Variants in RHBDF1 observed in about 807,000 individuals in gnomAD.
The protein encoded by RHBDF1 is inactive rhomboid protein 1.
Under a neutral mutation model 98.6 loss-of-function variants are expected in RHBDF1, and 80 were observed. The ratio of observed to expected loss-of-function variants is 0.81; its 90% CI spans 0.68 to 0.98. The LOEUF (loss-of-function observed/expected upper bound fraction) is 0.98, where lower values mean the gene tolerates loss of function less well. Ranked by LOEUF, RHBDF1 falls within the 50% of genes least tolerant of loss-of-function variation. The pLI is 0.00. For missense variants in RHBDF1, 1,116 were observed against 1,198.3 expected, an observed-to-expected ratio of 0.93 and a Z score of 1.01; for synonymous variants, 512 against 486.8, an observed-to-expected ratio of 1.05 and a Z score of -0.68.
At chr16:58,927 G>A in intron 17 of RHBDF1, 47 bp downstream of exon 17, 1 of 1,604,062 alleles carries the variant, frequency 6.2e-7, no homozygotes, top group Non-Finnish European at 8.5e-7. Flanking sequence ...TTCACAGCAG[G>A]CTGCAGGTGC....
chr16:63,574 C>A lies in RHBDF1; in HGVS notation c.462+13G>T, dbSNP rs748903678. Reference sequence around the variant, plus strand: ...AGGAGGGGCCTGCAGGAGGCAGCAACAGGCAGGCATACCTTCTGCATGCCC... The same window carrying A: ...AGGAGGGGCCTGCAGGAGGCAGCAAAAGGCAGGCATACCTTCTGCATGCCC... On this transcript the variant is annotated intron_variant, in intron 4 of 17. Transcript: ENST00000262316. The A allele has an allele frequency of 5.9e-6, 9 of 1,530,754 alleles. No homozygotes were observed. Among genetic ancestry groups the A allele is most frequent in the Admixed American group, 2.0e-5 (1 of 49,388 alleles). The allele number at this position is 1,530,754 out of a possible 1,614,324, so 94.8% of individuals were successfully genotyped here.
At chr16:73,456 T>A (rs1898029382), upstream of RHBDF1, among the ~76,000 whole-genome samples, 1 of 152,146 alleles carries the variant, frequency 6.6e-6, no homozygotes. Flanking sequence ...CGGGGTGGGC[T>A]CATATCCCTG....
At chr16:75,704 G>C (rs1230769536), upstream of RHBDF1, among the ~76,000 whole-genome samples, 2 of 152,190 alleles carry the variant, frequency 1.3e-5, no homozygotes, top group African/African-American at 4.8e-5. Context: ...CTGCCCAGTG[G>C]CTGCCTTCTC....
chr16:61,151 C>T lies in RHBDF1; in HGVS notation c.1526G>A (p.Gly509Asp). Residue 509 changes from glycine (G) to aspartate (D), a missense_variant, in exon 11 of 18, where the codon GGC (glycine) becomes GAC (aspartate). Gly to Asp is a moderately conservative substitution (Grantham distance 94). Transcript: ENST00000262316. ...CTCCTCCTCCGAGGTCTGCACGCAG[C>T]CCGACCTGTCGTTGCGCACGCAGCA... is the stretch of plus-strand genomic sequence containing the variant. ...SACCVRNDRS[G>D]CVQTSEEECS... 1 of 1,537,814 alleles carries T rather than the reference C, an allele frequency of 6.5e-7. No homozygotes were observed.
upstream of RHBDF1, among the ~76,000 whole-genome samples, chr16:72,983 G>A (rs1898018600): frequency 6.6e-6 from 1 of 152,098 alleles, no homozygotes; most frequent in African/African-American, 2.4e-5. Context: ...GGATGGGTGT[G>A]TATCCCTGGC....
chr16:61,660 C>G lies in RHBDF1; in HGVS notation c.1245G>C (p.Ser415=), dbSNP rs768010709. 4.7e-5 allele frequency: 76 copies of G among 1,613,440 alleles called. No homozygotes were observed. Among genetic ancestry groups the G allele is most frequent in the Non-Finnish European group, 6.3e-5 (74 of 1,179,902 alleles). Residue 415 remains serine (S), a synonymous_variant, in exon 9 of 18, where the codon TCG becomes TCC. Transcript: ENST00000262316. The part of the protein sequence containing the change: ...FFTYWLTFVH[S]LVTILAVCIY... ...TGCACACGGCTAGGATGGTGACGAGCGAGTGCACGAAGGTAAGCCAGTAGG... is the reference window on the plus strand; with the variant it reads ...TGCACACGGCTAGGATGGTGACGAGGGAGTGCACGAAGGTAAGCCAGTAGG...
chr16:71,073 G>A (rs1298709609), intron 1 of RHBDF1, among the ~76,000 whole-genome samples: 2 of 152,184 alleles, frequency 1.3e-5, no homozygotes, highest in South Asian at 2.1e-4. Flanking sequence ...AAGATCCTAG[G>A]GGAGGGCCTG....
At chr16:68,538 C>T (rs572456220) in intron 1 of RHBDF1, among the ~76,000 whole-genome samples, 6 of 152,348 alleles carry the variant, frequency 3.9e-5, no homozygotes, top group East Asian at 1.9e-4. Flanking sequence ...CCGTGGCCCA[C>T]GGAAGGCCTC....
At chr16:71,459 G>A (rs995629745) in intron 1 of RHBDF1, among the ~76,000 whole-genome samples, 5 of 152,190 alleles carry the variant, frequency 3.3e-5, no homozygotes, top group African/African-American at 1.2e-4. Context: ...CTAGGAGGTT[G>A]GGGTTAGCTC....
In RHBDF1 at chr16:61,301, GCGGCCGCA is replaced by G; in HGVS notation, c.1396-28_1396-21del. The G allele has an allele frequency of 6.5e-7, 1 of 1,541,998 alleles. No individual in the cohort carries two copies. Among genetic ancestry groups the G allele is most frequent in the Non-Finnish European group, 8.7e-7 (1 of 1,143,342 alleles). On this transcript the variant is annotated intron_variant, in intron 10 of 17. Transcript: ENST00000262316. ...GGCCTCCTGCGGGCGAGGGAGACGA[GCGGCCGCA>G]GTCCGGGGCCTCCTGCCCCCGCCGG...
upstream of RHBDF1, chr16:72,669 CCGGAGCGGGG>C: frequency 1.0e-6 from 1 of 980,814 alleles, no homozygotes; most frequent in African/African-American, 1.7e-5. Flanking sequence ...GCGGGCCCGG[CCGGAGCGGGG>C]CGGTCGCGCT....
chr16:64,340 G>A, intron 3 of RHBDF1: 1 of 1,358,504 alleles, frequency 7.4e-7, no homozygotes, highest in South Asian at 1.2e-5. Flanking sequence ...TACCTGAGCA[G>A]GGACCAAGAG....
upstream of RHBDF1, among the ~76,000 whole-genome samples, chr16:73,308 C>G (rs1898025347): frequency 6.6e-6 from 1 of 152,072 alleles, no homozygotes; most frequent in South Asian, 2.1e-4. Context: ...TGTGCCCCTA[C>G]CCCCAGAAGC....
intron 1 of RHBDF1, among the ~76,000 whole-genome samples, chr16:69,604 T>C (rs929567524): frequency 2.6e-5 from 4 of 152,064 alleles, no homozygotes; most frequent in Admixed American, 6.5e-5. Flanking sequence ...GGTCACCAGC[T>C]GTCTGGCAGC....
At chr16:61,773 C>T (rs376370477) in intron 8 of RHBDF1, 25 bp downstream of exon 8, 2 of 1,611,520 alleles carry the variant, frequency 1.2e-6, no homozygotes, top group East Asian at 2.2e-5. Flanking sequence ...TCCATCCCAA[C>T]CCAGGCCTTG....
intron 1 of RHBDF1, 148 bp from the exon 2 acceptor site, chr16:65,187 C>T (rs1366553): frequency 0.025 from 21,161 of 834,516 alleles, 1,104 homozygotes; most frequent in South Asian, 0.14. Flanking sequence ...GTGCTCAGCA[C>T]CGACTTTCTC....
At chr16:74,912 T>C (rs1898056090), upstream of RHBDF1, 1 of 149,518 alleles carries the variant, frequency 6.7e-6, no homozygotes, top group Non-Finnish European at 1.5e-5. Context: ...CCACCCCATC[T>C]CCCTTCCCTG....
rs756640874 is a variant in RHBDF1 at position 58,751 on chromosome 16, A to G, written c.2157T>C (p.Pro719=). 1.9e-6 allele frequency: 3 copies of G among 1,612,266 alleles called. No individual in the cohort carries two copies. The highest frequency in any genetic ancestry group is 2.5e-6 in the Non-Finnish European group (3 of 1,179,536). The change falls in exon 18 of 18, where the codon CCT becomes CCC. Residue 719 remains proline, a synonymous_variant. Coordinates refer to ENST00000262316, the MANE Select transcript of RHBDF1 (RefSeq NM_022450.5). ...CCAGGATGCCGAACTGGGAGCCAGC[A>G]GGACCCACCTGGGGGATGGTTGGGG... ...IFLPYRAEVG[P]AGSQFGILAC... is the part of the protein sequence containing the mutation.
intron 10 of RHBDF1, 36 bp downstream of exon 10, chr16:61,323 TGCCCCCGCCGGGCACCTCCAGGTCCC>T (rs754491843): frequency 2.6e-6 from 4 of 1,543,168 alleles, no homozygotes; most frequent in Non-Finnish European, 1.7e-6. Flanking sequence ...CGGGGCCTCC[TGCCCCCGCCGGGCACCTCCAGGTCCC>T]GCCCCCGCCG....
Sources: allele counts gnomAD v4.1 joint callset (sites outside exome capture counted in the v4.1 genomes callset), GRCh38; gene constraint gnomAD v4.1.1; transcripts MANE v1.5; gene names NCBI Gene and HGNC (gene_info 2026-07-23, HGNC 2026-07-21).